The following PLCL1 variants were observed in gnomAD, a reference collection of about 807,000 sequenced individuals.
The protein encoded by PLCL1 is phospholipase C like 1 (inactive).
PLCL1 carries 41 observed loss-of-function variants against 84.4 expected under a neutral mutation model. The ratio of observed to expected loss-of-function variants is 0.49; its 90% CI spans 0.38 to 0.63. The LOEUF is 0.63. PLCL1 is among the 30% of genes least tolerant of loss of function. The pLI is 0.00. For missense variants in PLCL1, 1,206 were observed against 1,367.8 expected, an observed-to-expected ratio of 0.88 and a Z score of 1.87; for synonymous variants, 490 against 488.3, an observed-to-expected ratio of 1.00 and a Z score of -0.05.
chr2:197,867,673 C>T (rs1207581101), intron 1 of PLCL1, among the ~76,000 whole-genome samples: 1 of 152,088 alleles, frequency 6.6e-6, no homozygotes, highest in Non-Finnish European at 1.5e-5. Context: ...CTGACACATC[C>T]CTGCTACACC....
chr2:197,880,233 AT>A lies in PLCL1; in HGVS notation c.240+74902del, dbSNP rs1006583357. On this transcript the variant is annotated intron_variant, in intron 1 of 5. Coordinates refer to ENST00000428675, the MANE Select transcript of PLCL1 (RefSeq NM_006226.4). ...AGTGATCTAATGATTATGAAATTAG[AT>A]TTTTTTTCCCTCTCTCTCTTTTTCT... is the stretch of plus-strand genomic sequence containing the variant. Among the ~76,000 whole-genome samples the A allele has an allele frequency of 4.7e-4, 71 of 152,060 alleles. 1 individual carries two copies. The highest frequency in any genetic ancestry group is 4.6e-4 in the Non-Finnish European group (31 of 67,976).
At chr2:197,837,793 A>G (rs957768714) in intron 1 of PLCL1, among the ~76,000 whole-genome samples, 2 of 152,374 alleles carry the variant, frequency 1.3e-5, no homozygotes, top group Admixed American at 1.3e-4. Flanking sequence ...TAATTATCAT[A>G]GGAATCATTT....
intron 1 of PLCL1, among the ~76,000 whole-genome samples, chr2:197,907,167 A>G (rs979887658): frequency 1.3e-5 from 2 of 152,196 alleles, no homozygotes; most frequent in Admixed American, 6.5e-5. Context: ...TATTCAACAT[A>G]GTATTGGAAG....
chr2:197,952,016 T>A lies in PLCL1; in HGVS notation c.241-131742T>A, dbSNP rs77329993. Among the ~76,000 whole-genome samples, 311 of 152,304 alleles carry A rather than the reference T, an allele frequency of 2.0e-3. 1 individual carries two copies. Among genetic ancestry groups the A allele is most frequent in the African/African-American group, 7.2e-3 (299 of 41,588 alleles). The stretch of plus-strand genomic sequence containing the variant: ...CTTTGTAATAAGCATTCGTGATTAA[T>A]TTACCAGGACTGATAGGATCCTGTC... On this transcript the variant is annotated intron_variant, in intron 1 of 5. Transcript: ENST00000428675.
At chr2:197,949,407 C>A (rs1344840619) in intron 1 of PLCL1, among the ~76,000 whole-genome samples, 1 of 152,120 alleles carries the variant, frequency 6.6e-6, no homozygotes, top group African/African-American at 2.4e-5. Flanking sequence ...CAACCCCATC[C>A]AGGGACAAGT....
chr2:198,015,750 G>T (rs1211800082), intron 1 of PLCL1, among the ~76,000 whole-genome samples: 1 of 152,082 alleles, frequency 6.6e-6, no homozygotes, highest in Non-Finnish European at 1.5e-5. Flanking sequence ...GGTCACGGTG[G>T]TGGTAACCTA....
intron 1 of PLCL1, among the ~76,000 whole-genome samples, chr2:198,004,635 A>C (rs1265382174): frequency 6.6e-6 from 1 of 152,254 alleles, no homozygotes; most frequent in East Asian, 1.9e-4. Context: ...TTTAAATAAT[A>C]AATCTAAGAA....
In PLCL1 at chr2:197,810,645, C is replaced by A. The variant is rs1017009874; in HGVS notation, c.240+5306C>A. Among the ~76,000 whole-genome samples, 16 of 152,286 alleles carry A rather than the reference C, an allele frequency of 1.1e-4. No individual in the cohort carries two copies. In the Middle Eastern group the frequency reaches 0.014, roughly 129 times the overall value. On this transcript the variant is annotated intron_variant, in intron 1 of 5. Transcript: ENST00000428675. The stretch of plus-strand genomic sequence containing the variant: ...ATTATGAAAAGATATCAGGAGACAG[C>A]CGACCTTACCTTGGTGCTACTGAAC...
intron 1 of PLCL1, among the ~76,000 whole-genome samples, chr2:198,028,528 T>C (rs914234133): frequency 2.0e-5 from 3 of 152,234 alleles, no homozygotes; most frequent in Admixed American, 6.5e-5. Context: ...ACTTTTACTC[T>C]TCAGACAGTT....
At chr2:197,972,219 T>A (rs1226777657) in intron 1 of PLCL1, among the ~76,000 whole-genome samples, 1 of 152,246 alleles carries the variant, frequency 6.6e-6, no homozygotes, top group Non-Finnish European at 1.5e-5. Flanking sequence ...TGAGGCAGGC[T>A]GCCAAGTTTC....
chr2:197,914,535 T>C (rs986153860), intron 1 of PLCL1, among the ~76,000 whole-genome samples: 2 of 152,142 alleles, frequency 1.3e-5, no homozygotes, highest in Admixed American at 1.3e-4. Flanking sequence ...TTCACAATGT[T>C]GGCCAGGCTT....
At chr2:198,117,633 G>C (rs1349448963) in intron 5 of PLCL1, among the ~76,000 whole-genome samples, 1 of 151,844 alleles carries the variant, frequency 6.6e-6, no homozygotes, top group African/African-American at 2.4e-5. Flanking sequence ...CATGTTGCAG[G>C]AAACAGGTTC....
chr2:198,116,978 A>T (rs1396488552), intron 5 of PLCL1, among the ~76,000 whole-genome samples: 2 of 151,914 alleles, frequency 1.3e-5, no homozygotes, highest in Non-Finnish European at 2.9e-5. Flanking sequence ...CAGGGAAAAA[A>T]TATTGCAATT....
intron 5 of PLCL1, among the ~76,000 whole-genome samples, chr2:198,123,868 G>A (rs977202366): frequency 2.6e-5 from 4 of 152,046 alleles, no homozygotes; most frequent in Admixed American, 2.6e-4. Context: ...AGGTGGAACA[G>A]TTTCATCCTG....
At chr2:197,860,385 A>G (rs1687406906) in intron 1 of PLCL1, among the ~76,000 whole-genome samples, 1 of 152,154 alleles carries the variant, frequency 6.6e-6, no homozygotes, top group African/African-American at 2.4e-5. Flanking sequence ...TTCTTTGGGT[A>G]TATACCTAGT....
At chr2:197,949,191 A>G (rs1418013762) in intron 1 of PLCL1, among the ~76,000 whole-genome samples, 1 of 152,188 alleles carries the variant, frequency 6.6e-6, no homozygotes, top group Non-Finnish European at 1.5e-5. Context: ...GCCTTTTCTG[A>G]TAAACCAGAA....
intron 1 of PLCL1, among the ~76,000 whole-genome samples, chr2:197,995,772 G>A (rs1039405795): frequency 4.0e-4 from 61 of 152,160 alleles, no homozygotes; most frequent in Non-Finnish European, 1.0e-4. Flanking sequence ...TAATGGGGGG[G>A]CGTGTGCCCA....
At chr2:198,126,989 T>TGA (rs1451783335) in intron 5 of PLCL1, among the ~76,000 whole-genome samples, 7 of 90,574 alleles carry the variant, frequency 7.7e-5, no homozygotes, top group Non-Finnish European at 1.6e-4. Context: ...AATGAGTGTG[T>TGA]GAGTGTGTGT....
chr2:197,927,101 TG>T (rs1163108883), intron 1 of PLCL1, among the ~76,000 whole-genome samples: 1 of 152,238 alleles, frequency 6.6e-6, no homozygotes, highest in African/African-American at 2.4e-5. Context: ...ATCTAGGCTC[TG>T]AAGTCCCACA....
Sources: allele counts gnomAD v4.1 joint callset (sites outside exome capture counted in the v4.1 genomes callset), GRCh38; gene constraint gnomAD v4.1.1; transcripts MANE v1.5; gene names NCBI Gene and HGNC (gene_info 2026-07-23, HGNC 2026-07-21).